Variants in TCF20 observed in about 807,000 individuals in gnomAD.
TCF20 encodes transcription factor 20, also known as SPRE-binding protein.
In TCF20, 3 loss-of-function variants were observed where a neutral mutation model predicts 148.6. The observed-to-expected ratio is 0.02, with a 90% CI of 0.01 to 0.05. TCF20 has a LOEUF of 0.05. TCF20 is among the 10% of genes least tolerant of loss of function. The pLI, the probability that TCF20 is intolerant of heterozygous loss-of-function variation, is 1.00. For synonymous variants in TCF20, 1,049 were observed against 909.5 expected, an observed-to-expected ratio of 1.15 and a Z score of -2.76; for missense variants, 2,350 against 2,429.3, an observed-to-expected ratio of 0.97 and a Z score of 0.69.
chr22:42,255,001 G>T (rs1925650390), intron 1 of TCF20, among the ~76,000 whole-genome samples: 1 of 140,660 alleles, frequency 7.1e-6, no homozygotes, highest in East Asian at 2.1e-4. Flanking sequence ...AACATGATTA[G>T]AGGTGAGAGT....
intron 1 of TCF20, among the ~76,000 whole-genome samples, chr22:42,267,995 A>T (rs1286985964): frequency 2.0e-5 from 3 of 152,016 alleles, no homozygotes; most frequent in African/African-American, 7.3e-5. Context: ...AAAATACAAA[A>T]ATTAGCCGGG....
At chr22:42,200,894 C>T (rs925552265) in intron 2 of TCF20, among the ~76,000 whole-genome samples, 2 of 152,160 alleles carry the variant, frequency 1.3e-5, no homozygotes, top group Non-Finnish European at 2.9e-5. Flanking sequence ...TTTGCACTGC[C>T]CGTAAATTAA....
At chr22:42,268,152 TAAGTA>T (rs1926393457) in intron 1 of TCF20, among the ~76,000 whole-genome samples, 1 of 140,344 alleles carries the variant, frequency 7.1e-6, no homozygotes, top group South Asian at 2.2e-4. Flanking sequence ...TCAAAATAAA[TAAGTA>T]AATAAAAGGG....
chr22:42,212,644 T>C lies in TCF20; in HGVS notation c.2662A>G (p.Met888Val), dbSNP rs1468120677. Reference protein sequence around the residue: ...RDPGAHSLGHMSADTRIGRND... With the variant: ...RDPGAHSLGHVSADTRIGRND... ...CTCCCAATTCTGGTGTCGGCACTCA[T>C]GTGTCCCAGTGAGTGAGCCCCTGGG... Residue 888 changes from methionine (M) to valine (V), a missense_variant, in exon 2 of 6, where the codon ATG (methionine) becomes GTG (valine). Met to Val is a conservative substitution (Grantham distance 21). This residue lies in a region of TCF20 where 1,641 missense variants were observed against 1,662.6 expected (regional missense o/e 0.99). Coordinates refer to ENST00000677622, the MANE Select transcript of TCF20 (RefSeq NM_001378418.1). The C allele has an allele frequency of 1.9e-6, 3 of 1,614,194 alleles. No homozygotes were observed. Among genetic ancestry groups the C allele is most frequent in the African/African-American group, 1.3e-5 (1 of 75,058 alleles).
intron 2 of TCF20, among the ~76,000 whole-genome samples, chr22:42,180,776 C>T (rs1386773722): frequency 3.3e-5 from 5 of 152,176 alleles, no homozygotes; most frequent in African/African-American, 1.2e-4. Flanking sequence ...GCAGGCACTC[C>T]TAATGCTTCA....
chr22:42,176,656 A>G (rs1045698957), intron 3 of TCF20, among the ~76,000 whole-genome samples: 14 of 152,222 alleles, frequency 9.2e-5, no homozygotes, highest in Admixed American at 7.9e-4. Context: ...GACCACAGGC[A>G]TTATGGGGGC....
intron 1 of TCF20, among the ~76,000 whole-genome samples, chr22:42,239,379 G>C (rs886679826): frequency 6.6e-6 from 1 of 151,858 alleles, no homozygotes; most frequent in African/African-American, 2.4e-5. Context: ...GGGAGGCTAA[G>C]GCAGGAGAAT....
chr22:42,212,507 A>C lies in TCF20; in HGVS notation c.2799T>G (p.Phe933Leu). The part of the protein sequence containing the change: ...SQSGQIKEED[F>L]EQSKSQASFN... Reference sequence around the variant, plus strand: ...AACTAGCTTGAGATTTAGACTGTTCAAAGTCTTCCTCTTTTATCTGCCCGC... The same window carrying C: ...AACTAGCTTGAGATTTAGACTGTTCCAAGTCTTCCTCTTTTATCTGCCCGC... Residue 933 changes from phenylalanine to leucine, a missense_variant, in exon 2 of 6, where the codon TTT becomes TTG. This residue lies in a region of TCF20 where 1,641 missense variants were observed against 1,662.6 expected (regional missense o/e 0.99). Transcript: ENST00000677622. The C allele has an allele frequency of 6.2e-7, 1 of 1,614,188 alleles. No individual in the cohort carries two copies. Among genetic ancestry groups the C allele is most frequent in the Non-Finnish European group, 8.5e-7 (1 of 1,180,038 alleles).
chr22:42,276,929 T>C (rs1601689115), intron 1 of TCF20: 1 of 152,122 alleles, frequency 6.6e-6, no homozygotes, highest in African/African-American at 2.4e-5. Context: ...GGCGGATTCA[T>C]TACAGTTATC....
At chr22:42,339,470 C>T (rs1454088282) in intron 1 of TCF20, among the ~76,000 whole-genome samples, 3 of 152,204 alleles carry the variant, frequency 2.0e-5, no homozygotes, top group Admixed American at 1.3e-4. Flanking sequence ...AAGCCCATAG[C>T]GACTAAACCC....
At chr22:42,184,492 A>C (rs1019441557) in intron 2 of TCF20, among the ~76,000 whole-genome samples, 2 of 152,234 alleles carry the variant, frequency 1.3e-5, no homozygotes, top group Admixed American at 6.5e-5. Context: ...ATTTCTAATT[A>C]AATTTTTATT....
intron 2 of TCF20, among the ~76,000 whole-genome samples, chr22:42,181,734 G>A (rs979479597): frequency 3.3e-5 from 5 of 151,200 alleles, no homozygotes; most frequent in African/African-American, 1.2e-4. Context: ...TCAGCCTCCC[G>A]AGTAGCTGAG....
At chr22:42,171,234 C>T (rs762317637) in intron 3 of TCF20, among the ~76,000 whole-genome samples, 5 of 152,106 alleles carry the variant, frequency 3.3e-5, no homozygotes, top group Non-Finnish European at 7.4e-5. Context: ...GTGCAAAACG[C>T]GGTGGCAGAA....
At chr22:42,193,918 A>G (rs1296012827) in intron 2 of TCF20, among the ~76,000 whole-genome samples, 1 of 152,120 alleles carries the variant, frequency 6.6e-6, no homozygotes, top group Non-Finnish European at 1.5e-5. Context: ...CGTATAATAA[A>G]AGGTGGTTCT....
chr22:42,225,192 C>T (rs544460225), intron 1 of TCF20, among the ~76,000 whole-genome samples: 395 of 152,068 alleles, frequency 2.6e-3, no homozygotes, highest in Admixed American at 4.5e-3. Flanking sequence ...GACAGCATTT[C>T]GCCATGTTGG....
upstream of TCF20, among the ~76,000 whole-genome samples, chr22:42,273,531 C>CAATAACTGTGA (rs1360659713): frequency 6.6e-6 from 1 of 152,016 alleles, no homozygotes; most frequent in Non-Finnish European, 1.5e-5. Context: ...CTGAGCGCCC[C>CAATAACTGTGA]TTCCTCTGAA....
chr22:42,212,354 T>C lies in TCF20; in HGVS notation c.2952A>G (p.Arg984=). The C allele has an allele frequency of 1.2e-6, 2 of 1,614,186 alleles. No homozygotes were observed. The highest frequency in any genetic ancestry group is 1.7e-6 in the Non-Finnish European group (2 of 1,180,016). ...CAGGGACCCGCCGCATTGGCGTGGG[T>C]CTGCTGTCTTGCGGGCCATAGTCTG... The part of the protein sequence containing the change: ...SLSDYGPQDS[R]PTPMRRVPGR... The change falls in exon 2 of 6, where the codon AGA becomes AGG. Residue 984 remains arginine, a synonymous_variant. Coordinates refer to ENST00000677622, the MANE Select transcript of TCF20 (RefSeq NM_001378418.1).
At chr22:42,271,439 G>C (rs1426913342), upstream of TCF20, among the ~76,000 whole-genome samples, 1 of 152,260 alleles carries the variant, frequency 6.6e-6, no homozygotes, top group Non-Finnish European at 1.5e-5. Context: ...CTTGTTCCCA[G>C]CCTTCCTTTG....
intron 1 of TCF20, among the ~76,000 whole-genome samples, chr22:42,238,433 C>G (rs1485644730): frequency 6.6e-6 from 1 of 152,250 alleles, no homozygotes; most frequent in Non-Finnish European, 1.5e-5. Context: ...TCTTCTCATT[C>G]ATGTGTTCAC....
Sources: allele counts gnomAD v4.1 joint callset (sites outside exome capture counted in the v4.1 genomes callset), GRCh38; gene constraint gnomAD v4.1.1; regional missense constraint gnomAD v4.1.1; transcripts MANE v1.5; gene names NCBI Gene and HGNC (gene_info 2026-07-23, HGNC 2026-07-21).